The following TBL1XR1 variants were observed in gnomAD, a reference collection of about 807,000 sequenced individuals.
The protein encoded by TBL1XR1 is F-box-like/WD repeat-containing protein TBL1XR1.
Under a neutral mutation model 66.9 loss-of-function variants are expected in TBL1XR1, and 5 were observed. The observed-to-expected ratio is 0.07, with a 90% CI of 0.04 to 0.16. The LOEUF (loss-of-function observed/expected upper bound fraction) is 0.16. TBL1XR1 is among the 10% of genes least tolerant of loss of function. The probability of loss-of-function intolerance (pLI) is 1.00; values close to 1 mark genes in which losing one functional copy is unlikely to be tolerated. For synonymous variants in TBL1XR1, 210 were observed against 206.0 expected (o/e 1.02, Z -0.17); for missense variants, 238 against 623.2 (o/e 0.38, Z 6.58).
chr3:177,168,713 A>G (rs1032955378), intron 1 of TBL1XR1, among the ~76,000 whole-genome samples: 1 of 152,230 alleles, frequency 6.6e-6, no homozygotes, highest in Non-Finnish European at 1.5e-5. Flanking sequence ...ACTTGTATAC[A>G]TTTAATGCTA....
chr3:177,184,810 A>G (rs1735221083), intron 1 of TBL1XR1, among the ~76,000 whole-genome samples: 1 of 152,126 alleles, frequency 6.6e-6, no homozygotes, highest in African/African-American at 2.4e-5. Context: ...CAAAAAAAAA[A>G]AAAAATCATC....
At chr3:177,122,755 CA>C (rs1434420445) in intron 1 of TBL1XR1, among the ~76,000 whole-genome samples, 1 of 152,110 alleles carries the variant, frequency 6.6e-6, no homozygotes, top group African/African-American at 2.4e-5. Flanking sequence ...CAGAAGATCA[CA>C]TAAGTGCAGA....
chr3:177,136,969 AGAT>A, intron 1 of TBL1XR1, among the ~76,000 whole-genome samples: 1 of 152,356 alleles, frequency 6.6e-6, no homozygotes, highest in East Asian at 1.9e-4. Context: ...CTCTCAAAAA[AGAT>A]GACCTCACTC....
chr3:177,038,665 C>T (rs1715149196), intron 10 of TBL1XR1, among the ~76,000 whole-genome samples: 1 of 152,132 alleles, frequency 6.6e-6, no homozygotes, highest in African/African-American at 2.4e-5. Flanking sequence ...AGAGAAAGTA[C>T]ACTGGCCTAG....
At chr3:177,106,357 G>A (rs1414545641) in intron 1 of TBL1XR1, among the ~76,000 whole-genome samples, 1 of 152,170 alleles carries the variant, frequency 6.6e-6, no homozygotes, top group Non-Finnish European at 1.5e-5. Context: ...GGGCACTTAG[G>A]CAAATGAGCT....
At chr3:177,200,866 G>A (rs559465827), upstream of TBL1XR1, among the ~76,000 whole-genome samples, 1 of 151,844 alleles carries the variant, frequency 6.6e-6, no homozygotes, top group Admixed American at 6.6e-5. Flanking sequence ...TATTAGTCGG[G>A]CGTGGTGGCG....
At chr3:177,067,932 G>A (rs972048507) in intron 2 of TBL1XR1, among the ~76,000 whole-genome samples, 2 of 152,158 alleles carry the variant, frequency 1.3e-5, no homozygotes, top group African/African-American at 2.4e-5. Context: ...CTAGGAATCA[G>A]ATCTCAAAGA....
At chr3:177,077,434 G>C (rs1007478499) in intron 2 of TBL1XR1, among the ~76,000 whole-genome samples, 1 of 152,128 alleles carries the variant, frequency 6.6e-6, no homozygotes, top group African/African-American at 2.4e-5. Flanking sequence ...TTGAGGAAAA[G>C]GGAAAATAAC....
chr3:177,058,271 C>T (rs1269643626), intron 3 of TBL1XR1, among the ~76,000 whole-genome samples: 1 of 152,108 alleles, frequency 6.6e-6, no homozygotes, highest in Non-Finnish European at 1.5e-5. Context: ...TCATCAAATG[C>T]TTTCTTGACT....
intron 2 of TBL1XR1, among the ~76,000 whole-genome samples, chr3:177,066,819 G>C (rs773419836): frequency 6.6e-6 from 1 of 152,296 alleles, no homozygotes; most frequent in Non-Finnish European, 1.5e-5. Context: ...CTGGACAACT[G>C]AACGGTTGGT....
intron 1 of TBL1XR1, chr3:177,195,504 T>C (rs934889404): frequency 4.1e-5 from 3 of 73,300 alleles, no homozygotes; most frequent in Non-Finnish European, 8.0e-5. Context: ...CAATGTAGCA[T>C]GGGTCTTATT....
chr3:177,071,768 A>C (rs1720047609), intron 2 of TBL1XR1, among the ~76,000 whole-genome samples: 1 of 152,216 alleles, frequency 6.6e-6, no homozygotes, highest in South Asian at 2.1e-4. Flanking sequence ...CAGAAGAAAA[A>C]GGGAAAAGTA....
intron 1 of TBL1XR1, among the ~76,000 whole-genome samples, chr3:177,112,150 G>A (rs773389764): frequency 1.6e-4 from 19 of 117,526 alleles, no homozygotes; most frequent in Non-Finnish European, 2.7e-4. Context: ...CTCTGTTGCC[G>A]AGGCTGAAGT....
chr3:177,032,177 TA>T (rs1714097561), intron 14 of TBL1XR1: 1 of 152,168 alleles, frequency 6.6e-6, no homozygotes, highest in Admixed American at 6.5e-5. Flanking sequence ...AAATAAAAAC[TA>T]ATAAAAATTG....
chr3:177,122,715 A>C (rs991743394), intron 1 of TBL1XR1, among the ~76,000 whole-genome samples: 1 of 152,140 alleles, frequency 6.6e-6, no homozygotes, highest in African/African-American at 2.4e-5. Context: ...CAGGTTCTTT[A>C]AACAGTGGAG....
intron 1 of TBL1XR1, among the ~76,000 whole-genome samples, chr3:177,155,504 G>A (rs538119296): frequency 6.6e-6 from 1 of 152,174 alleles, no homozygotes; most frequent in South Asian, 2.1e-4. Context: ...TTTAATTTGG[G>A]AAACAAAAGG....
intron 1 of TBL1XR1, chr3:177,196,594 G>A (rs1266354853): frequency 6.7e-6 from 1 of 150,178 alleles, no homozygotes; most frequent in East Asian, 2.0e-4. Context: ...CCGGGGAGGG[G>A]AGATTTCCAT....
At chr3:177,183,152 G>A (rs532916958) in intron 1 of TBL1XR1, among the ~76,000 whole-genome samples, 15 of 152,224 alleles carry the variant, frequency 9.9e-5, no homozygotes, top group South Asian at 2.1e-4. Context: ...CATTCAGAAC[G>A]TCGACGTTTC....
At chr3:177,180,770 CTT>C (rs1167333546) in intron 1 of TBL1XR1, among the ~76,000 whole-genome samples, 10 of 151,638 alleles carry the variant, frequency 6.6e-5, no homozygotes, top group South Asian at 4.2e-4. Flanking sequence ...GAGATTTGCT[CTT>C]GTCACCCAGG....
Sources: allele counts gnomAD v4.1 joint callset (sites outside exome capture counted in the v4.1 genomes callset), GRCh38; gene constraint gnomAD v4.1.1; transcripts MANE v1.5; gene names NCBI Gene and HGNC (gene_info 2026-07-23, HGNC 2026-07-21).